ARHGEF10L: variants seen among roughly 807,000 people sequenced by gnomAD.
The protein encoded by ARHGEF10L is rho guanine nucleotide exchange factor 10-like protein.
ARHGEF10L carries 69 observed loss-of-function variants against 141.2 expected under a neutral mutation model. The observed-to-expected ratio is 0.49, with a 90% CI of 0.40 to 0.60. The LOEUF is 0.60. Among genes scored for constraint, ARHGEF10L ranks in the 20% least tolerant of loss-of-function variants. The pLI is 0.00. For synonymous variants in ARHGEF10L, 711 were observed against 718.5 expected (o/e 0.99, Z 0.17); for missense variants, 1,482 against 1,734.3 (o/e 0.85, Z 2.58).
upstream of ARHGEF10L, among the ~76,000 whole-genome samples, chr1:17,535,644 C>T (rs1167755505): frequency 6.6e-6 from 1 of 152,172 alleles, no homozygotes; most frequent in Non-Finnish European, 1.5e-5. Context: ...ACTCCTGAGT[C>T]CCATCCAGAT....
chr1:17,670,208 G>C (rs2063233905), intron 26 of ARHGEF10L, among the ~76,000 whole-genome samples: 1 of 152,268 alleles, frequency 6.6e-6, no homozygotes, highest in African/African-American at 2.4e-5. Context: ...TCTGCGCCTT[G>C]TCCAGCTGGT....
chr1:17,560,757 G>C (rs11586226), intron 1 of ARHGEF10L, among the ~76,000 whole-genome samples: 145 of 152,328 alleles, frequency 9.5e-4, no homozygotes, highest in African/African-American at 3.2e-3. Flanking sequence ...TAGAGGTGGG[G>C]TTTCTCCATG....
rs986445464 is a variant in ARHGEF10L at position 17,655,736 on chromosome 1, C to A, written c.2482-143C>A. 23 of 742,786 alleles carry A rather than the reference C, an allele frequency of 3.1e-5. No homozygotes were observed. The African/African-American group carries it at 4.1e-4, about 13-fold the overall frequency. The allele number at this position is 742,786 out of a possible 1,614,324, so 46.0% of individuals were successfully genotyped here. On this transcript the variant is annotated intron_variant, in intron 23 of 28. Transcript: ENST00000361221. ...GCCATGGCAGCTGGGGATAAATGAC[C>A]TTTGTGAAGGCAGGATGTGTGTGGG...
intron 4 of ARHGEF10L, among the ~76,000 whole-genome samples, chr1:17,600,451 C>T (rs547374346): frequency 6.6e-6 from 1 of 152,256 alleles, no homozygotes; most frequent in African/African-American, 2.4e-5. Flanking sequence ...GTTAGAATAG[C>T]TTTAGATTTT....
rs3766308 is a variant in ARHGEF10L, at chr1:17,645,900, G to A, written c.2273-2654G>A. Reference sequence around the variant, plus strand: ...GTGGAAACTGTGAGGTGCAGGGCACGTAGAAGTGTCTGTTATGGCAACGCG... The same window carrying A: ...GTGGAAACTGTGAGGTGCAGGGCACATAGAAGTGTCTGTTATGGCAACGCG... On this transcript the variant is annotated intron_variant, in intron 21 of 28. Coordinates refer to ENST00000361221, the MANE Select transcript of ARHGEF10L (RefSeq NM_018125.4). 6.6e-3 allele frequency among the ~76,000 whole-genome samples: 998 copies of A among 152,348 alleles called. 16 individuals are homozygous for A. The East Asian group carries it at 0.079, about 12-fold the overall frequency.
At chr1:17,580,048 G>C (rs1301508880) in intron 1 of ARHGEF10L, among the ~76,000 whole-genome samples, 1 of 152,240 alleles carries the variant, frequency 6.6e-6, no homozygotes, top group Non-Finnish European at 1.5e-5. Flanking sequence ...AACCCATGGG[G>C]CAGGACAGGA....
rs1382907683 is a variant in ARHGEF10L, at chr1:17,627,350, C to A, written c.1431C>A (p.Pro477=). 1 of 1,613,980 alleles carries A rather than the reference C, an allele frequency of 6.2e-7. No homozygotes were observed. The highest frequency in any genetic ancestry group is 8.5e-7 in the Non-Finnish European group (1 of 1,180,016). Residue 477 remains proline (P), a synonymous_variant, in exon 15 of 29, where the codon CCC becomes CCA. Transcript: ENST00000361221. The surrounding 1 kb of genome is among the most constrained non-coding windows in gnomAD (Gnocchi z 4.0). ...LLLQDMLKNT[P]RGHPDRLSLQ... ...GGCAGGACATGCTGAAGAACACCCC[C>A]AGGGGCCATCCGGACAGGCTGTCGC...
rs181636217 is a variant in ARHGEF10L at position 17,656,457 on chromosome 1, C to A, written c.2706-97C>A. ...GCCGAAAGGCGTGGCTGAGAGGGGT[C>A]AGCTCCCTGGGGCCCTCTCCCTAGG... On this transcript the variant is annotated intron_variant, in intron 24 of 28. Coordinates refer to ENST00000361221, the MANE Select transcript of ARHGEF10L (RefSeq NM_018125.4). This position sits in a 1 kb window ranked among gnomAD's most constrained non-coding sequence, Gnocchi z 4.9. 6.2e-6 allele frequency: 9 copies of A among 1,455,262 alleles called. No individual in the cohort carries two copies. The Admixed American group carries it at 1.6e-4, about 26-fold the overall frequency. The allele number at this position is 1,455,262 out of a possible 1,614,324, so 90.1% of individuals were successfully genotyped here. A position where few individuals can be genotyped will look rare whatever the true frequency, so the allele number is the denominator to read the frequency against.
intron 1 of ARHGEF10L, among the ~76,000 whole-genome samples, chr1:17,561,350 C>T (rs989275075): frequency 2.0e-5 from 3 of 152,294 alleles, no homozygotes; most frequent in Non-Finnish European, 4.4e-5. Flanking sequence ...CAGAAGCGGG[C>T]GTCAGCTCCA....
rs561458437 is a variant in ARHGEF10L at position 17,584,842 on chromosome 1, T to C, written c.38-2618T>C. 4.0e-5 allele frequency among the ~76,000 whole-genome samples: 6 copies of C among 150,536 alleles called. No homozygotes were observed. In the East Asian group the frequency reaches 5.9e-4, roughly 15 times the overall value. On this transcript the variant is annotated intron_variant, in intron 2 of 28. Transcript: ENST00000361221. Reference sequence around the variant, plus strand: ...GGATGAGCAGAAGATTCTACGCACATGTGCACGTGTGCGTGCACACACACA... The same window carrying C: ...GGATGAGCAGAAGATTCTACGCACACGTGCACGTGTGCGTGCACACACACA...
chr1:17,538,785 T>C (rs1294022092), upstream of ARHGEF10L, among the ~76,000 whole-genome samples: 4 of 152,046 alleles, frequency 2.6e-5, no homozygotes, highest in African/African-American at 9.7e-5. Flanking sequence ...CTGTACCCTT[T>C]GGAGGCTGCA....
intron 26 of ARHGEF10L, among the ~76,000 whole-genome samples, chr1:17,681,286 G>A (rs867275791): frequency 3.3e-5 from 5 of 152,096 alleles, no homozygotes; most frequent in African/African-American, 7.2e-5. Context: ...TCTCTTCAAC[G>A]TAACTGCATG....
chr1:17,648,298 A>T (rs986278404), intron 21 of ARHGEF10L, among the ~76,000 whole-genome samples: 2 of 152,224 alleles, frequency 1.3e-5, no homozygotes, highest in African/African-American at 4.8e-5. Context: ...AGTTGGGGTG[A>T]CTGGCACAGG....
At chr1:17,630,845 G>A (rs1557873599) in intron 15 of ARHGEF10L, among the ~76,000 whole-genome samples, 1 of 152,214 alleles carries the variant, frequency 6.6e-6, no homozygotes. Context: ...ATGATGCTTT[G>A]GAGAACAACA....
chr1:17,618,253 G>GCCC, intron 9 of ARHGEF10L: 4 of 1,356,216 alleles, frequency 2.9e-6, no homozygotes, highest in Non-Finnish European at 2.9e-6. Context: ...GCTCTCCTCA[G>GCCC]CCCTCCCCAC....
At chr1:17,690,205 C>A (rs1281588367) in intron 27 of ARHGEF10L, among the ~76,000 whole-genome samples, 1 of 152,174 alleles carries the variant, frequency 6.6e-6, no homozygotes, top group African/African-American at 2.4e-5. Context: ...ATTCATATAA[C>A]AAAGGGCTGA....
At chr1:17,531,370 C>T in the ARHGEF10L span, among the ~76,000 whole-genome samples, 94 of 152,220 alleles carry the variant, frequency 6.2e-4, 2 homozygotes, top group South Asian at 0.017. Flanking sequence ...TGAAGGCTTT[C>T]GGGTCTCAGA....
At chr1:17,533,025 CAG>C in the ARHGEF10L span, among the ~76,000 whole-genome samples, 4 of 152,204 alleles carry the variant, frequency 2.6e-5, no homozygotes, top group African/African-American at 9.6e-5. Flanking sequence ...TGCACCAAGA[CAG>C]TGGCCAGGGA....
intron 27 of ARHGEF10L, chr1:17,691,191 G>A (rs1212422234): frequency 4.4e-6 from 2 of 450,724 alleles, no homozygotes; most frequent in Non-Finnish European, 8.9e-6. Flanking sequence ...TAGATGGCTT[G>A]GGTGAGTTGA....
Sources: gnomAD v4.1 joint callset for allele counts (sites outside exome capture counted in the v4.1 genomes callset) on GRCh38, gnomAD v4.1.1 for gene constraint, Gnocchi (gnomAD v3.1) non-coding constraint, MANE v1.5 for transcripts, NCBI Gene and HGNC (gene_info 2026-07-23, HGNC 2026-07-21) for gene names.